Variants in CD2AP observed in about 807,000 individuals in gnomAD.
CD2AP encodes the protein CD2-associated protein.
Under a neutral mutation model 85.1 loss-of-function variants are expected in CD2AP, and 46 were observed. The observed-to-expected ratio is 0.54, with a 90% CI of 0.43 to 0.69. CD2AP has a LOEUF of 0.69. Among genes scored for constraint, CD2AP ranks in the 30% least tolerant of loss-of-function variants. CD2AP has a pLI of 0.00. For synonymous variants in CD2AP, 255 were observed against 252.9 expected (o/e 1.01, Z -0.08); for missense variants, 769 against 729.5 (o/e 1.05, Z -0.62).
intron 2 of CD2AP, among the ~76,000 whole-genome samples, chr6:47,525,689 GAA>G (rs1766702443): frequency 6.6e-6 from 1 of 152,188 alleles, no homozygotes; most frequent in East Asian, 1.9e-4. Context: ...CTTAATAGAT[GAA>G]GAGTAGATAT....
chr6:47,485,566 TAGAA>T (rs139443996), intron 1 of CD2AP, among the ~76,000 whole-genome samples: 51,211 of 151,570 alleles, frequency 0.34, 9,336 homozygotes, highest in Middle Eastern at 0.53. Context: ...GAAAGAAAAT[TAGAA>T]AGAAAGAAAT....
At chr6:47,593,771 T>C (rs1419642736) in intron 11 of CD2AP, among the ~76,000 whole-genome samples, 1 of 152,088 alleles carries the variant, frequency 6.6e-6, no homozygotes, top group Admixed American at 6.6e-5. Context: ...AAGTTAAACA[T>C]GGAATTACCA....
At chr6:47,538,448 G>A (rs951216943) in intron 3 of CD2AP, among the ~76,000 whole-genome samples, 3 of 151,984 alleles carry the variant, frequency 2.0e-5, no homozygotes, top group Non-Finnish European at 2.9e-5. Context: ...CACCATGTTT[G>A]TTGGTCAGGC....
chr6:47,529,284 T>C (rs903235859), intron 2 of CD2AP, among the ~76,000 whole-genome samples: 3 of 149,512 alleles, frequency 2.0e-5, no homozygotes, highest in Non-Finnish European at 4.5e-5. Context: ...TGTTGTAATG[T>C]TGATGAAAAA....
chr6:47,585,106 A>G (rs1050100302), intron 11 of CD2AP, among the ~76,000 whole-genome samples: 4 of 151,876 alleles, frequency 2.6e-5, no homozygotes, highest in Non-Finnish European at 5.9e-5. Flanking sequence ...ATCCTGGCTA[A>G]CACGGTGAAA....
intron 1 of CD2AP, among the ~76,000 whole-genome samples, chr6:47,486,541 A>G (rs150653725): frequency 7.9e-5 from 12 of 152,300 alleles, no homozygotes; most frequent in African/African-American, 2.6e-4. Context: ...TTCATCTCTC[A>G]TTAGTTTGAC....
At chr6:47,613,334 G>C (rs775738066) in intron 17 of CD2AP, among the ~76,000 whole-genome samples, 3 of 152,110 alleles carry the variant, frequency 2.0e-5, no homozygotes, top group Non-Finnish European at 4.4e-5. Context: ...CTTCCAAAAT[G>C]TGTATCTTAA....
At chr6:47,563,516 T>C (rs1362479553) in intron 5 of CD2AP, among the ~76,000 whole-genome samples, 1 of 152,172 alleles carries the variant, frequency 6.6e-6, no homozygotes, top group East Asian at 1.9e-4. Flanking sequence ...TATTTGGTGG[T>C]TATGGTCATG....
chr6:47,544,265 C>T (rs1236349298), intron 3 of CD2AP, among the ~76,000 whole-genome samples: 1 of 152,116 alleles, frequency 6.6e-6, no homozygotes, highest in Non-Finnish European at 1.5e-5. Flanking sequence ...AATCACTAGC[C>T]TAGAGGACTT....
chr6:47,497,506 A>T (rs906736624), intron 1 of CD2AP, among the ~76,000 whole-genome samples: 1 of 151,330 alleles, frequency 6.6e-6, no homozygotes, highest in Non-Finnish European at 1.5e-5. Context: ...CCATTCTCTC[A>T]CTCAAGCCAT....
chr6:47,539,777 T>G (rs1767157648), intron 3 of CD2AP, among the ~76,000 whole-genome samples: 1 of 152,200 alleles, frequency 6.6e-6, no homozygotes, highest in Non-Finnish European at 1.5e-5. Context: ...ACCTCCTTTA[T>G]TCTCTTCCTT....
intron 5 of CD2AP, among the ~76,000 whole-genome samples, chr6:47,558,343 G>A (rs538526278): frequency 6.7e-4 from 102 of 152,296 alleles, no homozygotes; most frequent in African/African-American, 2.4e-3. Context: ...GCCCTGGCCA[G>A]AACTTCCAAT....
At chr6:47,501,859 A>G (rs534049618) in intron 1 of CD2AP, among the ~76,000 whole-genome samples, 1 of 152,344 alleles carries the variant, frequency 6.6e-6, no homozygotes, top group African/African-American at 2.4e-5. Flanking sequence ...GAGGTAAAAT[A>G]AATACATATT....
intron 5 of CD2AP, among the ~76,000 whole-genome samples, chr6:47,571,044 C>G (rs1768137324): frequency 6.6e-6 from 1 of 151,822 alleles, no homozygotes; most frequent in African/African-American, 2.4e-5. Context: ...GTTTTATGGC[C>G]TTAATCAAAT....
At chr6:47,622,344 T>C (rs1383051620) in intron 17 of CD2AP, among the ~76,000 whole-genome samples, 2 of 152,170 alleles carry the variant, frequency 1.3e-5, no homozygotes, top group East Asian at 1.9e-4. Context: ...CTACCCAGAG[T>C]TGTGGCCTGG....
intron 17 of CD2AP, among the ~76,000 whole-genome samples, chr6:47,621,885 G>T (rs901467062): frequency 6.6e-6 from 1 of 152,156 alleles, no homozygotes; most frequent in African/African-American, 2.4e-5. Context: ...GGGACCAGCA[G>T]TGGGCGGGGC....
intron 17 of CD2AP, among the ~76,000 whole-genome samples, chr6:47,615,622 G>A (rs1416000330): frequency 6.6e-6 from 1 of 151,836 alleles, no homozygotes; most frequent in African/African-American, 2.4e-5. Context: ...TCCAAACATG[G>A]ATCATCTAAA....
chr6:47,594,212 C>T (rs1214493920), intron 11 of CD2AP, among the ~76,000 whole-genome samples: 6 of 151,920 alleles, frequency 3.9e-5, no homozygotes, highest in African/African-American at 4.8e-5. Context: ...TGCGTAACAT[C>T]GTGAATGTAC....
chr6:47,516,839 A>T (rs1248618393), intron 2 of CD2AP, among the ~76,000 whole-genome samples: 1 of 152,208 alleles, frequency 6.6e-6, no homozygotes, highest in East Asian at 1.9e-4. Flanking sequence ...ATCAACTGTT[A>T]TTCTTTATTA....
Sources: gnomAD v4.1 joint callset for allele counts (sites outside exome capture counted in the v4.1 genomes callset) on GRCh38, gnomAD v4.1.1 for gene constraint, MANE v1.5 for transcripts, NCBI Gene and HGNC (gene_info 2026-07-23, HGNC 2026-07-21) for gene names.